SNAP25: variants seen among roughly 807,000 people sequenced by gnomAD.
SNAP25 encodes synaptosome associated protein 25.
SNAP25 carries 3 observed loss-of-function variants against 28.7 expected under a neutral mutation model. The ratio of observed to expected loss-of-function variants is 0.10; its 90% confidence interval spans 0.05 to 0.27. SNAP25 has a LOEUF of 0.27. Among genes scored for constraint, SNAP25 ranks in the 10% least tolerant of loss-of-function variants. The probability of loss-of-function intolerance (pLI) is 1.00; values close to 1 mark genes in which losing one functional copy is unlikely to be tolerated. For missense variants in SNAP25, 117 were observed against 278.7 expected, an observed-to-expected ratio of 0.42 and a Z score of 4.13; for synonymous variants, 61 against 88.1, an observed-to-expected ratio of 0.69 and a Z score of 1.72.
Position 10,224,663 on chromosome 20 carries a change from AT to A in SNAP25, c.-64+5692del, listed in dbSNP as rs144442556. Among the ~76,000 whole-genome samples, 106 of 151,520 alleles carry A rather than the reference AT, an allele frequency of 7.0e-4. 1 individual carries two copies. In the East Asian group the frequency reaches 0.015, roughly 21 times the overall value. ...CATCGCCTCCCTCATCCCAATCCTT[AT>A]TTTTTCCCCCCTCAGAATTGCTTGC... On this transcript the variant is annotated intron_variant, in intron 1 of 7. Coordinates refer to ENST00000254976, the MANE Select transcript of SNAP25 (RefSeq NM_130811.4).
chr20:10,223,130 G>A (rs182992837), intron 1 of SNAP25, among the ~76,000 whole-genome samples: 2 of 152,278 alleles, frequency 1.3e-5, no homozygotes, highest in African/African-American at 2.4e-5. Flanking sequence ...GCTAAAAATG[G>A]GAGGAAAAAG....
chr20:10,237,552 A>G (rs919556904), intron 1 of SNAP25, among the ~76,000 whole-genome samples: 6 of 152,162 alleles, frequency 3.9e-5, no homozygotes, highest in Non-Finnish European at 8.8e-5. Context: ...GGCTGTCTCC[A>G]GCTTTGGCAC....
intron 1 of SNAP25, among the ~76,000 whole-genome samples, chr20:10,235,488 G>A (rs779819293): frequency 6.6e-6 from 1 of 152,132 alleles, no homozygotes. Flanking sequence ...CGTCAGTGTC[G>A]AGCTCTCCTG....
Position 10,232,075 on chromosome 20 carries a change from T to C in SNAP25, c.-64+13098T>C, listed in dbSNP as rs921219218. Among the ~76,000 whole-genome samples, 58 of 152,332 alleles carry C rather than the reference T, an allele frequency of 3.8e-4. 1 individual carries two copies. Among genetic ancestry groups the C allele is most frequent in the Admixed American group, 3.0e-3 (46 of 15,300 alleles). On this transcript the variant is annotated intron_variant, in intron 1 of 7. Transcript: ENST00000254976. ...GAATTCAGGAACAACTCAATCCCAG[T>C]GTGCAAACATTACCAAAGCTCTCTC...
intron 1 of SNAP25, among the ~76,000 whole-genome samples, chr20:10,238,892 A>G (rs953925137): frequency 4.6e-5 from 7 of 150,996 alleles, no homozygotes; most frequent in African/African-American, 9.9e-5. Flanking sequence ...GCGACAGAGC[A>G]AGACTCCGTT....
chr20:10,299,295 A>G lies in SNAP25; in HGVS notation c.435A>G (p.Glu145=), dbSNP rs1336855090. ...TAACAAATGATGCCCGAGAAAATGA[A>G]ATGGATGAAAACCTAGAGCAGGTGA... The part of the protein sequence containing the change: ...RRVTNDAREN[E]MDENLEQVSG... The change falls in exon 7 of 8, where the codon GAA becomes GAG. Residue 145 remains glutamate (E), a synonymous_variant. Transcript: ENST00000254976. 2 of 1,613,858 alleles carry G rather than the reference A, an allele frequency of 1.2e-6. No homozygotes were observed. The highest frequency in any genetic ancestry group is 3.3e-5 in the Admixed American group (2 of 59,982).
intron 3 of SNAP25, among the ~76,000 whole-genome samples, chr20:10,282,812 A>T (rs575991739): frequency 8.6e-4 from 131 of 152,350 alleles, no homozygotes; most frequent in African/African-American, 3.0e-3. Flanking sequence ...ATTTCATCTC[A>T]CAAGAAATGG....
chr20:10,226,950 A>G (rs1395239711), intron 1 of SNAP25, among the ~76,000 whole-genome samples: 2 of 152,090 alleles, frequency 1.3e-5, no homozygotes, highest in Admixed American at 6.6e-5. Context: ...TTTAAGAAAC[A>G]TGGTACCTCC....
intron 1 of SNAP25, among the ~76,000 whole-genome samples, chr20:10,224,513 C>T (rs2062699883): frequency 6.6e-6 from 1 of 151,758 alleles, no homozygotes; most frequent in East Asian, 1.9e-4. Flanking sequence ...ATTCAAAAAT[C>T]AATGAAATCA....
intron 1 of SNAP25, among the ~76,000 whole-genome samples, chr20:10,248,183 T>C (rs1364623771): frequency 6.6e-6 from 1 of 152,190 alleles, no homozygotes; most frequent in Non-Finnish European, 1.5e-5. Flanking sequence ...AACACACATG[T>C]GTGCACAGAA....
At chr20:10,251,938 C>T (rs2063236683) in intron 1 of SNAP25, among the ~76,000 whole-genome samples, 1 of 152,166 alleles carries the variant, frequency 6.6e-6, no homozygotes, top group East Asian at 1.9e-4. Flanking sequence ...ATTCTCTGTA[C>T]ATTTGTGTTT....
intron 1 of SNAP25, among the ~76,000 whole-genome samples, chr20:10,264,629 G>A (rs1458315578): frequency 1.3e-5 from 2 of 152,170 alleles, no homozygotes; most frequent in African/African-American, 2.4e-5. Context: ...GGGGAGCCGC[G>A]TTCTTGTGTT....
intron 1 of SNAP25, chr20:10,231,556 A>G (rs945633032): frequency 1.3e-5 from 2 of 152,114 alleles, no homozygotes; most frequent in Non-Finnish European, 2.9e-5. Flanking sequence ...CAGATCCCCA[A>G]TCAGGAATTC....
At chr20:10,250,274 G>A (rs192422639) in intron 1 of SNAP25, among the ~76,000 whole-genome samples, 38 of 152,250 alleles carry the variant, frequency 2.5e-4, no homozygotes, top group East Asian at 1.3e-3. Flanking sequence ...GGTTCTGGTC[G>A]TCCAGGGCAT....
chr20:10,286,230 T>A (rs755970556), intron 4 of SNAP25, among the ~76,000 whole-genome samples: 1 of 152,134 alleles, frequency 6.6e-6, no homozygotes, highest in Non-Finnish European at 1.5e-5. Context: ...AGATCTTTAT[T>A]TACTGACTTC....
At position 10,293,409 on chromosome 20, in the gene SNAP25, A is replaced by T; in HGVS notation, c.281+131A>T. 1 of 665,752 alleles carries T rather than the reference A, an allele frequency of 1.5e-6. No individual in the cohort carries two copies. Among genetic ancestry groups the T allele is most frequent in the Non-Finnish European group, 2.7e-6 (1 of 371,988 alleles). 41.2% of individuals were successfully genotyped at this position (665,752 alleles called of 1,614,324 possible). On this transcript the variant is annotated intron_variant, in intron 5 of 7. Transcript: ENST00000254976. The surrounding 1 kb of genome is among the most constrained non-coding windows in gnomAD (Gnocchi z 5.6). ...GCAGAACAGATCAATACCGTCTCCA[A>T]TGCATTCATCTCATAGCATAGATGA...
At position 10,275,484 on chromosome 20, in the gene SNAP25, C is replaced by T. The variant is rs1325530743; in HGVS notation, c.-8C>T. 5 of 1,600,596 alleles carry T rather than the reference C, an allele frequency of 3.1e-6. No individual in the cohort carries two copies. The highest frequency in any genetic ancestry group is 4.3e-6 in the Non-Finnish European group (5 of 1,173,302). On this transcript the variant is annotated 5_prime_UTR_variant, in exon 2 of 8. Coordinates refer to ENST00000254976, the MANE Select transcript of SNAP25 (RefSeq NM_130811.4). ...AGCCCAGGCGCCCAGCCACTCCCCA[C>T]CGCTACCATGGCCGAAGACGCAGAC...
chr20:10,270,129 T>A (rs1368764323), intron 1 of SNAP25, among the ~76,000 whole-genome samples: 1 of 152,080 alleles, frequency 6.6e-6, no homozygotes, highest in Non-Finnish European at 1.5e-5. Flanking sequence ...GGTGCATGCC[T>A]GTAATCCCAG....
chr20:10,278,346 A>G (rs573007881), intron 3 of SNAP25, among the ~76,000 whole-genome samples: 35 of 152,300 alleles, frequency 2.3e-4, no homozygotes, highest in South Asian at 1.5e-3. Context: ...ATGAATCCCA[A>G]ACTATTTTTA....
Sources: allele counts gnomAD v4.1 joint callset (sites outside exome capture counted in the v4.1 genomes callset), GRCh38; gene constraint gnomAD v4.1.1; non-coding constraint Gnocchi (gnomAD v3.1); transcripts MANE v1.5; gene names NCBI Gene and HGNC (gene_info 2026-07-23, HGNC 2026-07-21).